Variants in INSC observed in about 807,000 individuals in gnomAD.
The protein encoded by INSC is INSC spindle orientation adaptor protein.
Under a neutral mutation model 58.6 loss-of-function variants are expected in INSC, and 67 were observed. The ratio of observed to expected loss-of-function variants is 1.14; its 90% CI spans 0.94 to 1.40. The LOEUF is 1.40. Ranked by LOEUF, INSC falls within the 40% of genes most tolerant of loss-of-function variation. The probability of loss-of-function intolerance (pLI) is 0.00; values close to 1 mark genes in which losing one functional copy is unlikely to be tolerated. For synonymous variants in INSC, 262 were observed against 276.1 expected (o/e 0.95, Z 0.51); for missense variants, 714 against 692.0 (o/e 1.03, Z -0.36).
At chr11:15,163,423 GT>G (rs1205469797) in intron 2 of INSC, among the ~76,000 whole-genome samples, 6 of 152,072 alleles carry the variant, frequency 3.9e-5, no homozygotes, top group Non-Finnish European at 8.8e-5. Context: ...TCAATGTGTA[GT>G]TTTAAGTCCC....
At chr11:15,261,249 T>C in the INSC span, among the ~76,000 whole-genome samples, 1 of 152,170 alleles carries the variant, frequency 6.6e-6, no homozygotes, top group Non-Finnish European at 1.5e-5. Flanking sequence ...TCTGCCATAT[T>C]CTGAGTTTTA....
At chr11:15,205,231 A>G (rs899228192) in intron 7 of INSC, among the ~76,000 whole-genome samples, 2 of 152,220 alleles carry the variant, frequency 1.3e-5, no homozygotes, top group Non-Finnish European at 2.9e-5. Flanking sequence ...ATAAAATAAA[A>G]AATAAGTAAA....
chr11:15,191,721 G>T (rs1850185792), intron 6 of INSC, among the ~76,000 whole-genome samples: 1 of 152,178 alleles, frequency 6.6e-6, no homozygotes. Context: ...AGGAGGAACA[G>T]ATCTACAAAC....
chr11:15,151,959 T>A (rs187261899), intron 2 of INSC, among the ~76,000 whole-genome samples: 1 of 152,210 alleles, frequency 6.6e-6, no homozygotes, highest in Non-Finnish European at 1.5e-5. Flanking sequence ...TACTGATTAA[T>A]AGGCAGGCCT....
intron 9 of INSC, among the ~76,000 whole-genome samples, chr11:15,234,450 G>A (rs572234846): frequency 3.3e-5 from 5 of 152,274 alleles, no homozygotes; most frequent in African/African-American, 1.2e-4. Flanking sequence ...TTAAAATGTA[G>A]ATAATACTCT....
chr11:15,134,186 T>C (rs1005169856), intron 1 of INSC, among the ~76,000 whole-genome samples: 5 of 152,214 alleles, frequency 3.3e-5, no homozygotes, highest in Non-Finnish European at 7.3e-5. Context: ...TCTTGGCACA[T>C]AGTTAAGTGC....
At chr11:15,233,320 C>G (rs1564919875) in intron 9 of INSC, among the ~76,000 whole-genome samples, 2 of 152,272 alleles carry the variant, frequency 1.3e-5, no homozygotes, top group East Asian at 3.9e-4. Flanking sequence ...GCACTCTGCC[C>G]CCTGACAGCA....
At chr11:15,140,618 G>A (rs1848347953) in intron 1 of INSC, among the ~76,000 whole-genome samples, 1 of 146,674 alleles carries the variant, frequency 6.8e-6, no homozygotes, top group Non-Finnish European at 1.5e-5. Flanking sequence ...GTAGGGTCTT[G>A]CTCAGGCTGA....
chr11:15,229,963 TATATATATATATATATTATATATATA>T (rs1564916966), intron 9 of INSC, among the ~76,000 whole-genome samples: 1 of 27,790 alleles, frequency 3.6e-5, no homozygotes, highest in African/African-American at 2.5e-4. Context: ...TATATATTTA[TATATATATATATATATTATATATATA>T]TATATATATA....
upstream of INSC, among the ~76,000 whole-genome samples, chr11:15,113,143 T>TTCTTTCTTTCTCTC: frequency 7.7e-4 from 76 of 98,684 alleles, no homozygotes; most frequent in East Asian, 0.014. Flanking sequence ...CTTTCTTTCT[T>TTCTTTCTTTCTCTC]TCTGTCTCTC....
downstream of INSC, among the ~76,000 whole-genome samples, chr11:15,248,432 A>T (rs765287347): frequency 1.3e-5 from 2 of 152,242 alleles, no homozygotes; most frequent in Non-Finnish European, 2.9e-5. Context: ...TTATAAAAAT[A>T]GTTTCGACCT....
Position 15,190,761 on chromosome 11 carries a change from A to C in INSC, c.640A>C (p.Asn214His), listed in dbSNP as rs1850136383. The stretch of plus-strand genomic sequence containing the variant: ...CTACACCACAGAGTCCACCACAGGG[A>C]ACCTGTTCAGCCTGACCCAGGAGGG... ...NIYTTESTTGNLFSLTQEGAP... is the reference protein window; with the variant it reads ...NIYTTESTTGHLFSLTQEGAP... The change falls in exon 6 of 13, where the codon AAC becomes CAC. Residue 214 changes from asparagine to histidine, a missense_variant. Asn to His is a moderately conservative substitution (Grantham distance 68). Coordinates refer to ENST00000379556, the MANE Select transcript of INSC (RefSeq NM_001042536.3). The C allele has an allele frequency of 1.2e-6, 2 of 1,613,972 alleles. No homozygotes were observed. The highest frequency in any genetic ancestry group is 1.7e-5 in the Admixed American group (1 of 60,026).
intron 7 of INSC, among the ~76,000 whole-genome samples, chr11:15,210,272 T>C (rs1042944385): frequency 6.7e-6 from 1 of 148,492 alleles, no homozygotes; most frequent in Non-Finnish European, 1.5e-5. Flanking sequence ...TTGATGGGAT[T>C]CCTAGTTCTG....
At chr11:15,118,251 T>A (rs1037328921) in intron 1 of INSC, among the ~76,000 whole-genome samples, 5 of 152,178 alleles carry the variant, frequency 3.3e-5, no homozygotes, top group Non-Finnish European at 7.3e-5. Flanking sequence ...AGGGAATCAT[T>A]TGTCACCTCT....
chr11:15,191,751 C>T (rs576460756), intron 6 of INSC, among the ~76,000 whole-genome samples: 14 of 152,296 alleles, frequency 9.2e-5, no homozygotes, highest in Middle Eastern at 3.4e-3. Flanking sequence ...ACCACCAACT[C>T]GGAGGTTTGT....
rs762153816 is a variant in INSC, at chr11:15,175,759, G to A, written c.75G>A (p.Val25=). The A allele has an allele frequency of 1.9e-6, 3 of 1,567,610 alleles. No individual in the cohort carries two copies. Among genetic ancestry groups the A allele is most frequent in the Non-Finnish European group, 2.6e-6 (3 of 1,148,236 alleles). The part of the protein sequence containing the change: ...LPGQRLHLMQ[V]DSVQRWMEDL... ...GTTGCAGGCTACACCTGATGCAGGT[G>A]GACTCAGTCCAGCGCTGGATGGAAG... The change falls in exon 3 of 13, where the codon GTG becomes GTA. Residue 25 remains valine, a synonymous_variant. Coordinates refer to ENST00000379556, the MANE Select transcript of INSC (RefSeq NM_001042536.3).
upstream of INSC, among the ~76,000 whole-genome samples, chr11:15,113,379 T>C (rs1357226782): frequency 1.3e-5 from 2 of 152,144 alleles, no homozygotes; most frequent in Non-Finnish European, 2.9e-5. Flanking sequence ...CAGGATGGAC[T>C]TAATCTCCGG....
intron 1 of INSC, among the ~76,000 whole-genome samples, chr11:15,127,687 G>A (rs1008134537): frequency 5.3e-5 from 8 of 152,178 alleles, no homozygotes; most frequent in Non-Finnish European, 8.8e-5. Context: ...GGGAGGCAGT[G>A]GTGTTTTCTT....
In INSC at chr11:15,163,320, C is replaced by T. The variant is rs117841195; in HGVS notation, c.57-12421C>T. 2.8e-4 allele frequency among the ~76,000 whole-genome samples: 42 copies of T among 152,234 alleles called. 1 individual carries two copies. The East Asian group carries it at 7.9e-3, about 29-fold the overall frequency. ...AATTTCTTCCCTCCCTGCCTCCCTG[C>T]CTTCCTTCTCATTCTTTTCCCTTGT... On this transcript the variant is annotated intron_variant, in intron 2 of 12. Coordinates refer to ENST00000379556, the MANE Select transcript of INSC (RefSeq NM_001042536.3).
Sources: gnomAD v4.1 joint callset for allele counts (sites outside exome capture counted in the v4.1 genomes callset) on GRCh38, gnomAD v4.1.1 for gene constraint, MANE v1.5 for transcripts, NCBI Gene and HGNC (gene_info 2026-07-23, HGNC 2026-07-21) for gene names.